The following MSI2 variants were observed in gnomAD, a reference collection of about 807,000 sequenced individuals.
The protein encoded by MSI2 is musashi RNA binding protein 2, also known as RNA-binding protein Musashi homolog 2.
MSI2 carries 17 observed loss-of-function variants against 45.6 expected under a neutral mutation model. That is an observed-to-expected ratio of 0.37 (90% CI 0.26 to 0.56). The LOEUF is 0.56. MSI2 is among the 20% of genes least tolerant of loss of function. The pLI, the probability that MSI2 is intolerant of heterozygous loss-of-function variation, is 0.77. For missense variants in MSI2, 293 were observed against 444.2 expected (o/e 0.66, Z 3.06); for synonymous variants, 156 against 158.2 (o/e 0.99, Z 0.11).
chr17:57,681,807 AT>A lies in MSI2; in HGVS notation c.*2291del, dbSNP rs1913616163. The A allele has an allele frequency of 1.4e-5, 2 of 146,784 alleles. No homozygotes were observed. The highest frequency in any genetic ancestry group is 7.2e-5 in the African/African-American group (2 of 27,768). 9.1% of individuals were successfully genotyped at this position (146,784 alleles called of 1,614,324 possible). On this transcript the variant is annotated 3_prime_UTR_variant, in exon 14 of 14. Coordinates refer to ENST00000284073, the MANE Select transcript of MSI2 (RefSeq NM_138962.4). ...TGTTCAAGTCATAAAACAACAAAACATAAGTTTTATTTAAAAAAAAAAAAAG... is the reference window on the plus strand; with the variant it reads ...TGTTCAAGTCATAAAACAACAAAACAAAGTTTTATTTAAAAAAAAAAAAAG...
chr17:57,436,347 C>T (rs1034027058), intron 6 of MSI2, among the ~76,000 whole-genome samples: 6 of 152,178 alleles, frequency 3.9e-5, no homozygotes, highest in African/African-American at 1.4e-4. Flanking sequence ...AATATGCACT[C>T]AGTAAATATC....
chr17:57,517,481 A>G (rs544584896), intron 6 of MSI2, among the ~76,000 whole-genome samples: 1 of 152,308 alleles, frequency 6.6e-6, no homozygotes, highest in African/African-American at 2.4e-5. Flanking sequence ...AGCTTGTCCG[A>G]GAGGGCGGGG....
intron 6 of MSI2, among the ~76,000 whole-genome samples, chr17:57,484,710 C>T (rs759512835): frequency 6.6e-6 from 1 of 152,178 alleles, no homozygotes; most frequent in Non-Finnish European, 1.5e-5. Context: ...GTGTCCTTTC[C>T]CTAGGTAGTT....
intron 5 of MSI2, among the ~76,000 whole-genome samples, chr17:57,310,891 GC>G (rs1912342595): frequency 1.3e-5 from 2 of 152,304 alleles, no homozygotes; most frequent in South Asian, 4.1e-4. Flanking sequence ...ATCCTTTTCT[GC>G]CCCTTACTAT....
chr17:57,676,856 C>T lies in MSI2; in HGVS notation c.946-131C>T, dbSNP rs565750536. On this transcript the variant is annotated intron_variant, in intron 12 of 13. Coordinates refer to ENST00000284073, the MANE Select transcript of MSI2 (RefSeq NM_138962.4). The stretch of plus-strand genomic sequence containing the variant: ...GATGTCATCCTGGCCCCTCATGGCA[C>T]GGTGTCTCAGAATTACATATTCATG... 180 of 728,652 alleles carry T rather than the reference C, an allele frequency of 2.5e-4. No individual in the cohort carries two copies. The African/African-American group carries it at 2.7e-3, about 11-fold the overall frequency. The allele number at this position is 728,652 out of a possible 1,614,324, so 45.1% of individuals were successfully genotyped here.
chr17:57,667,354 C>G (rs1403138280), intron 11 of MSI2, among the ~76,000 whole-genome samples: 1 of 152,182 alleles, frequency 6.6e-6, no homozygotes, highest in Non-Finnish European at 1.5e-5. Context: ...TTTCCCTCCT[C>G]TTCTGAAGCG....
chr17:57,581,856 T>C (rs546742533), intron 7 of MSI2, among the ~76,000 whole-genome samples: 1 of 152,252 alleles, frequency 6.6e-6, no homozygotes, highest in Non-Finnish European at 1.5e-5. Flanking sequence ...TTAGCAATTA[T>C]ATACTTAGTG....
intron 11 of MSI2, among the ~76,000 whole-genome samples, chr17:57,656,939 T>G (rs959264816): frequency 6.6e-6 from 1 of 152,198 alleles, no homozygotes; most frequent in Non-Finnish European, 1.5e-5. Flanking sequence ...CCCTACTCTT[T>G]ACGTGTTGAT....
chr17:57,664,385 G>A (rs1240198879), intron 11 of MSI2, among the ~76,000 whole-genome samples: 4 of 152,164 alleles, frequency 2.6e-5, no homozygotes, highest in Non-Finnish European at 5.9e-5. Flanking sequence ...AGGTGTGGCG[G>A]TGTGTGCCTG....
chr17:57,356,352 A>G (rs1394688012), intron 5 of MSI2, among the ~76,000 whole-genome samples: 1 of 152,198 alleles, frequency 6.6e-6, no homozygotes, highest in Non-Finnish European at 1.5e-5. Flanking sequence ...ACTCTTAAGC[A>G]GATTATCCTT....
intron 6 of MSI2, chr17:57,522,617 C>T (rs1402245991): frequency 6.6e-6 from 1 of 152,190 alleles, no homozygotes; most frequent in Non-Finnish European, 1.5e-5. Flanking sequence ...TCCATGTTAG[C>T]ATTCCAGGCA....
intron 6 of MSI2, among the ~76,000 whole-genome samples, chr17:57,453,692 G>A (rs900508422): frequency 3.9e-5 from 6 of 152,146 alleles, no homozygotes; most frequent in Non-Finnish European, 7.3e-5. Context: ...TTATCGGAAC[G>A]CCAAGCTTGT....
chr17:57,482,752 A>T (rs906682788), intron 6 of MSI2, among the ~76,000 whole-genome samples: 35 of 151,972 alleles, frequency 2.3e-4, no homozygotes, highest in African/African-American at 7.3e-4. Context: ...TGTTATGGGG[A>T]CCTCTGAAGG....
intron 11 of MSI2, among the ~76,000 whole-genome samples, chr17:57,669,446 T>TGAGAGTTCCCC (rs1912614101): frequency 6.6e-6 from 1 of 152,224 alleles, no homozygotes; most frequent in Non-Finnish European, 1.5e-5. Context: ...TAGAGTTCCC[T>TGAGAGTTCCCC]GAGAGCCCTG....
chr17:57,323,183 C>T (rs76573062), intron 5 of MSI2, among the ~76,000 whole-genome samples: 1 of 152,138 alleles, frequency 6.6e-6, no homozygotes. Context: ...ATTCCCACCC[C>T]CAAGGCATTA....
At chr17:57,528,370 C>G (rs1403925025) in intron 6 of MSI2, among the ~76,000 whole-genome samples, 3 of 152,066 alleles carry the variant, frequency 2.0e-5, no homozygotes, top group African/African-American at 4.8e-5. Context: ...AGTGTGGACC[C>G]TGAAATCTTA....
At chr17:57,543,816 G>C (rs976625315) in intron 7 of MSI2, among the ~76,000 whole-genome samples, 4 of 152,162 alleles carry the variant, frequency 2.6e-5, no homozygotes, top group African/African-American at 9.7e-5. Flanking sequence ...TTACAGCAGA[G>C]ATATGTGTAT....
chr17:57,388,062 C>A (rs985369118), intron 5 of MSI2, among the ~76,000 whole-genome samples: 1 of 152,226 alleles, frequency 6.6e-6, no homozygotes, highest in South Asian at 2.1e-4. Flanking sequence ...GGGATTGGAA[C>A]CTGGCCTTCC....
chr17:57,489,116 A>T (rs1240539064), intron 6 of MSI2, among the ~76,000 whole-genome samples: 1 of 152,200 alleles, frequency 6.6e-6, no homozygotes, highest in South Asian at 2.1e-4. Context: ...TCTGTTGCCA[A>T]CTGGCTGAGT....
Sources: gnomAD v4.1 joint callset for allele counts (sites outside exome capture counted in the v4.1 genomes callset) on GRCh38, gnomAD v4.1.1 for gene constraint, MANE v1.5 for transcripts, NCBI Gene and HGNC (gene_info 2026-07-23, HGNC 2026-07-21) for gene names.